Variants in AAMDC observed in about 807,000 individuals in gnomAD.
AAMDC encodes the protein mth938 domain-containing protein.
AAMDC carries 16 observed loss-of-function variants against 15.5 expected under a neutral mutation model. The ratio of observed to expected loss-of-function variants is 1.03; its 90% CI spans 0.70 to 1.57. AAMDC has a LOEUF of 1.57. Among genes scored for constraint, AAMDC ranks in the 40% most tolerant of loss-of-function variants. AAMDC has a pLI of 0.00. For synonymous variants in AAMDC, 51 were observed against 51.6 expected, an observed-to-expected ratio of 0.99 and a Z score of 0.05; for missense variants, 141 against 144.9, an observed-to-expected ratio of 0.97 and a Z score of 0.14.
At chr11:77,827,047 G>T (rs1270641688) in intron 1 of AAMDC, among the ~76,000 whole-genome samples, 1 of 152,118 alleles carries the variant, frequency 6.6e-6, no homozygotes, top group Non-Finnish European at 1.5e-5. Context: ...AGAGGTTGCA[G>T]TGAGCTGAGA....
At chr11:77,866,141 T>TC in intron 2 of AAMDC, among the ~76,000 whole-genome samples, 1 of 152,198 alleles carries the variant, frequency 6.6e-6, no homozygotes, top group South Asian at 2.1e-4. Flanking sequence ...GGAAGAGTAG[T>TC]TTAGGAATGT....
intron 5 of AAMDC, among the ~76,000 whole-genome samples, chr11:77,894,986 T>A (rs917484690): frequency 1.3e-5 from 2 of 152,236 alleles, no homozygotes; most frequent in African/African-American, 4.8e-5. Context: ...CCAAGAAACA[T>A]ACCTAAAAAG....
intron 1 of AAMDC, among the ~76,000 whole-genome samples, chr11:77,836,927 T>C (rs1244858124): frequency 6.6e-6 from 1 of 152,100 alleles, no homozygotes; most frequent in Non-Finnish European, 1.5e-5. Context: ...ATCGCGCCAT[T>C]GCACTCCAGC....
rs1347232494 is a variant in AAMDC, at chr11:77,872,342, C to G, written c.*27C>G. 6.3e-7 allele frequency: 1 copy of G among 1,596,710 alleles called. No homozygotes were observed. Among genetic ancestry groups the G allele is most frequent in the Admixed American group, 1.7e-5 (1 of 57,252 alleles). On this transcript the variant is annotated 3_prime_UTR_variant, in exon 4 of 4. Coordinates refer to ENST00000393427, the MANE Select transcript of AAMDC (RefSeq NM_024684.4). ...GGAGCCTTAAGAGGAGAATAAATCACTAAGTGCCTATGCCTGTGACTGTCA... is the reference window on the plus strand; with the variant it reads ...GGAGCCTTAAGAGGAGAATAAATCAGTAAGTGCCTATGCCTGTGACTGTCA...
At chr11:77,893,777 C>G (rs1184829306) in intron 5 of AAMDC, among the ~76,000 whole-genome samples, 1 of 151,942 alleles carries the variant, frequency 6.6e-6, no homozygotes, top group Non-Finnish European at 1.5e-5. Context: ...CCTGTAGTGC[C>G]AACTACTTGG....
chr11:77,849,276 C>T (rs1344929831), intron 2 of AAMDC, among the ~76,000 whole-genome samples: 1 of 151,984 alleles, frequency 6.6e-6, no homozygotes, highest in African/African-American at 2.4e-5. Context: ...GGCTGGAATG[C>T]GGTGGCGTGA....
intron 5 of AAMDC, among the ~76,000 whole-genome samples, chr11:77,899,612 G>A (rs1438881329): frequency 6.6e-6 from 1 of 152,082 alleles, no homozygotes; most frequent in Non-Finnish European, 1.5e-5. Flanking sequence ...AGAGGTTGCA[G>A]TGAGCTGAGA....
rs546764528 is a variant in AAMDC, at chr11:77,849,704, A to G, written c.132+7076A>G. Among the ~76,000 whole-genome samples the G allele has an allele frequency of 5.3e-5, 8 of 152,270 alleles. No individual in the cohort carries two copies. The East Asian group carries it at 1.2e-3, about 22-fold the overall frequency. ...TTCACTCTCCTATATTTCATAACAC[A>G]TATTTGAAGACCTAGCTATTCCATA... On this transcript the variant is annotated intron_variant, in intron 2 of 3. Transcript: ENST00000393427.
At chr11:77,875,536 G>A (rs1477535466), downstream of AAMDC, among the ~76,000 whole-genome samples, 3 of 152,118 alleles carry the variant, frequency 2.0e-5, no homozygotes, top group African/African-American at 4.8e-5. Flanking sequence ...GAATAGCACC[G>A]CCTTCTCCAA....
At chr11:77,885,960 C>T (rs1242987582) in intron 5 of AAMDC, among the ~76,000 whole-genome samples, 3 of 152,032 alleles carry the variant, frequency 2.0e-5, no homozygotes, top group South Asian at 2.1e-4. Flanking sequence ...CAGCATTTTG[C>T]GGGGCTGAGG....
At chr11:77,863,393 A>T (rs1950968594) in intron 2 of AAMDC, among the ~76,000 whole-genome samples, 1 of 152,198 alleles carries the variant, frequency 6.6e-6, no homozygotes, top group African/African-American at 2.4e-5. Context: ...GAGCCATAAC[A>T]AAACACGGAC....
At chr11:77,855,484 TA>T in intron 2 of AAMDC, 1 of 196,638 alleles carries the variant, frequency 5.1e-6, no homozygotes, top group Non-Finnish European at 1.0e-5. Flanking sequence ...CACACCCAGG[TA>T]ACTTTTTCTT....
At chr11:77,898,225 G>A (rs1393978526) in intron 5 of AAMDC, among the ~76,000 whole-genome samples, 1 of 152,092 alleles carries the variant, frequency 6.6e-6, no homozygotes, top group African/African-American at 2.4e-5. Flanking sequence ...GTGCAGTGGT[G>A]CGATCTCGGC....
chr11:77,880,972 G>C (rs552270248), intron 5 of AAMDC, among the ~76,000 whole-genome samples: 4 of 152,182 alleles, frequency 2.6e-5, no homozygotes, highest in Admixed American at 2.6e-4. Flanking sequence ...AATAAATCCT[G>C]CTAAGGTCAG....
chr11:77,881,391 C>T (rs1951785743), intron 5 of AAMDC, among the ~76,000 whole-genome samples: 2 of 152,076 alleles, frequency 1.3e-5, no homozygotes, highest in African/African-American at 4.8e-5. Flanking sequence ...AACTCCAGGC[C>T]CCATCACCTA....
chr11:77,830,101 C>T (rs932639449), intron 1 of AAMDC: 1 of 152,108 alleles, frequency 6.6e-6, no homozygotes, highest in Non-Finnish European at 1.5e-5. Flanking sequence ...TGCACTCCAG[C>T]TTAGGCAACA....
At chr11:77,862,825 A>T (rs952234217) in intron 2 of AAMDC, among the ~76,000 whole-genome samples, 1 of 152,148 alleles carries the variant, frequency 6.6e-6, no homozygotes, top group Admixed American at 6.5e-5. Flanking sequence ...CTTGAAGAGG[A>T]TATCATGGCC....
At chr11:77,878,404 T>C (rs1463110369) in intron 5 of AAMDC, among the ~76,000 whole-genome samples, 1 of 151,942 alleles carries the variant, frequency 6.6e-6, no homozygotes, top group African/African-American at 2.4e-5. Context: ...AATGATTCAT[T>C]CTCCAGCTAT....
At chr11:77,884,060 A>T in intron 5 of AAMDC, 2 of 1,133,100 alleles carry the variant, frequency 1.8e-6, no homozygotes, top group Non-Finnish European at 2.5e-6. Context: ...ACATGACACC[A>T]ACTTTACTAA....
Sources: allele counts gnomAD v4.1 joint callset (sites outside exome capture counted in the v4.1 genomes callset), GRCh38; gene constraint gnomAD v4.1.1; transcripts MANE v1.5; gene names NCBI Gene and HGNC (gene_info 2026-07-23, HGNC 2026-07-21).